The following BMP1 variants were observed in gnomAD, a reference collection of about 807,000 sequenced individuals.
BMP1 encodes the protein mammalian tolloid protein.
A neutral mutation model predicts 116.8 loss-of-function variants in BMP1; 63 were observed. The observed-to-expected ratio is 0.54, with a 90% CI of 0.44 to 0.67. The LOEUF (loss-of-function observed/expected upper bound fraction) is 0.67. Among genes scored for constraint, BMP1 ranks in the 30% least tolerant of loss-of-function variants. BMP1 has a pLI of 0.00. For missense variants in BMP1, 1,183 were observed against 1,358.9 expected (o/e 0.87, Z 2.04); for synonymous variants, 536 against 533.4 (o/e 1.00, Z -0.07).
At chr8:22,206,271 G>A (rs1290991804) in intron 16 of BMP1, among the ~76,000 whole-genome samples, 5 of 152,230 alleles carry the variant, frequency 3.3e-5, no homozygotes, top group Non-Finnish European at 7.3e-5. Context: ...GGAGGCCAAG[G>A]TGGGTAGATC....
intron 8 of BMP1, among the ~76,000 whole-genome samples, chr8:22,187,571 G>A (rs1409300555): frequency 1.4e-5 from 2 of 138,342 alleles, no homozygotes; most frequent in East Asian, 2.1e-4. Context: ...GCATGGTCTC[G>A]ATCTCCTGAC....
chr8:22,195,328 G>T, intron 12 of BMP1, 134 bp from the exon 13 acceptor site: 2 of 1,150,060 alleles, frequency 1.7e-6, no homozygotes, highest in Non-Finnish European at 2.4e-6. Flanking sequence ...CATGTGCTCT[G>T]AAGGAAGGCT....
chr8:22,206,770 G>C, intron 16 of BMP1, 84 bp from the exon 17 acceptor site: 4 of 1,569,146 alleles, frequency 2.5e-6, no homozygotes, highest in Non-Finnish European at 3.5e-6. Flanking sequence ...AAGGAGGGGG[G>C]GCAGGAGGGA....
chr8:22,165,616 G>A, intron 1 of BMP1, 63 bp downstream of exon 1: 1 of 1,498,720 alleles, frequency 6.7e-7, no homozygotes, highest in Non-Finnish European at 8.9e-7. Flanking sequence ...GTTCGGGCTT[G>A]GGGTTGGGGG....
At chr8:22,174,147 A>G (rs1453733663) in intron 2 of BMP1, among the ~76,000 whole-genome samples, 1 of 152,210 alleles carries the variant, frequency 6.6e-6, no homozygotes, top group Non-Finnish European at 1.5e-5. Flanking sequence ...TCTGCCCAAC[A>G]CTGCAATCCC....
intron 8 of BMP1, among the ~76,000 whole-genome samples, chr8:22,182,005 T>C (rs1158698027): frequency 6.6e-6 from 1 of 152,196 alleles, no homozygotes; most frequent in Non-Finnish European, 1.5e-5. Flanking sequence ...CATCACTTCT[T>C]AGATCCATTC....
intron 19 of BMP1, 21 bp from the exon 20 acceptor site, chr8:22,211,573 C>T: frequency 6.2e-7 from 1 of 1,614,056 alleles, no homozygotes; most frequent in Non-Finnish European, 8.5e-7. Flanking sequence ...TCCACCTTAC[C>T]CCATCTCTTT....
chr8:22,201,734 C>T (rs1018558603), intron 15 of BMP1, 69 bp from the exon 16 acceptor site: 4 of 1,595,924 alleles, frequency 2.5e-6, no homozygotes, highest in Non-Finnish European at 3.4e-6. Flanking sequence ...CAGGCCTCCA[C>T]TTCCCCTGGG....
chr8:22,179,953 G>A lies in BMP1; in HGVS notation c.961+124G>A. On this transcript the variant is annotated intron_variant, in intron 7 of 19. Coordinates refer to ENST00000306385, the MANE Select transcript of BMP1 (RefSeq NM_006129.5). The surrounding 1 kb of genome is among the most constrained non-coding windows in gnomAD (Gnocchi z 4.6). ...TCTTAGAGAATGGTGTGGCGGGGGA[G>A]GGGACCCCATAGGAGGGGCAGTGTC... 2 of 1,145,332 alleles carry A rather than the reference G, an allele frequency of 1.7e-6. No homozygotes were observed. The highest frequency in any genetic ancestry group is 2.6e-5 in the Admixed American group (1 of 37,820). The allele number at this position is 1,145,332 out of a possible 1,614,324, so 70.9% of individuals were successfully genotyped here. A position where few individuals can be genotyped will look rare whatever the true frequency, so the allele number is the denominator to read the frequency against.
Position 22,207,466 on chromosome 8 carries a change from A to T in BMP1, c.2525A>T (p.Tyr842Phe). ...GGCAGCCGCATGTTCCTGCGCTTCT[A>T]CTCAGATAACTCGGTCCAGCGAAAG... ...ATGSRMFLRF[Y>F]SDNSVQRKGF... is the part of the protein sequence containing the mutation. The change falls in exon 18 of 20, where the codon TAC becomes TTC. Residue 842 changes from tyrosine to phenylalanine, a missense_variant. Coordinates refer to ENST00000306385, the MANE Select transcript of BMP1 (RefSeq NM_006129.5). 2 of 1,613,860 alleles carry T rather than the reference A, an allele frequency of 1.2e-6. No individual in the cohort carries two copies. Among genetic ancestry groups the T allele is most frequent in the Non-Finnish European group, 1.7e-6 (2 of 1,180,020 alleles).
chr8:22,176,821 C>T (rs1828451631), intron 4 of BMP1, 140 bp from the exon 5 acceptor site: 1 of 971,000 alleles, frequency 1.0e-6, no homozygotes, highest in Admixed American at 2.2e-5. Context: ...CTCCAGCACA[C>T]AGCCTGGGCA....
intron 2 of BMP1, among the ~76,000 whole-genome samples, chr8:22,174,519 A>C (rs1030153223): frequency 6.6e-6 from 1 of 151,748 alleles, no homozygotes; most frequent in Non-Finnish European, 1.5e-5. Flanking sequence ...GAAGGGTGAA[A>C]GCTCCTCACT....
intron 1 of BMP1, among the ~76,000 whole-genome samples, chr8:22,167,596 C>T (rs192631210): frequency 2.0e-5 from 3 of 152,286 alleles, no homozygotes; most frequent in African/African-American, 7.2e-5. Flanking sequence ...GCTCTCCCCC[C>T]AGTCTCAGGT....
intron 15 of BMP1, among the ~76,000 whole-genome samples, chr8:22,197,947 G>A (rs553505807): frequency 6.6e-6 from 1 of 152,326 alleles, no homozygotes; most frequent in Admixed American, 6.5e-5. Context: ...CACTCAGGAA[G>A]GCCGAGGCAG....
chr8:22,173,505 T>C, intron 1 of BMP1, 97 bp from the exon 2 acceptor site: 3 of 767,732 alleles, frequency 3.9e-6, no homozygotes, highest in Middle Eastern at 3.8e-4. Flanking sequence ...CTGTGGAGGT[T>C]GGGGGCTGGT....
At chr8:22,207,821 ACACAC>A (rs1452141022) in intron 18 of BMP1, among the ~76,000 whole-genome samples, 1 of 152,238 alleles carries the variant, frequency 6.6e-6, no homozygotes, top group Non-Finnish European at 1.5e-5. Context: ...CAGCCCAGCC[ACACAC>A]CAACCCTGAA....
At chr8:22,197,465 A>G (rs748004373) in intron 15 of BMP1, 45 bp downstream of exon 15, 1 of 1,563,450 alleles carries the variant, frequency 6.4e-7, no homozygotes, top group East Asian at 2.3e-5. Context: ...CTCCTCGGAG[A>G]ACAGGGCTCC....
At chr8:22,191,111 G>T (rs909841170) in intron 8 of BMP1, among the ~76,000 whole-genome samples, 1 of 152,208 alleles carries the variant, frequency 6.6e-6, no homozygotes, top group Non-Finnish European at 1.5e-5. Flanking sequence ...CTCCAGTAGC[G>T]AGCGAGCGTT....
chr8:22,188,984 C>T (rs1828856566), intron 8 of BMP1, among the ~76,000 whole-genome samples: 1 of 152,172 alleles, frequency 6.6e-6, no homozygotes, highest in South Asian at 2.1e-4. Flanking sequence ...CTCACTCGGC[C>T]CTCTGCATCC....
Sources: gnomAD v4.1 joint callset for allele counts (sites outside exome capture counted in the v4.1 genomes callset) on GRCh38, gnomAD v4.1.1 for gene constraint, Gnocchi (gnomAD v3.1) non-coding constraint, MANE v1.5 for transcripts, NCBI Gene and HGNC (gene_info 2026-07-23, HGNC 2026-07-21) for gene names.